Variants in NECAB2 observed in about 807,000 individuals in gnomAD.
NECAB2 encodes N-terminal EF-hand calcium-binding protein 2.
Under a neutral mutation model 51.9 loss-of-function variants are expected in NECAB2, and 68 were observed. The observed-to-expected ratio is 1.31, with a 90% confidence interval of 1.08 to 1.60. The LOEUF is 1.60. NECAB2 is among the 40% of genes most tolerant of loss of function. NECAB2 has a pLI of 0.00. For missense variants in NECAB2, 854 were observed against 490.3 expected, an observed-to-expected ratio of 1.74 and a Z score of -7.00; for synonymous variants, 329 against 203.5, an observed-to-expected ratio of 1.62 and a Z score of -5.25.
chr16:83,972,064 G>A (rs1249156898), intron 1 of NECAB2, 87 bp from the exon 2 acceptor site: 30 of 1,569,260 alleles, frequency 1.9e-5, no homozygotes, highest in Non-Finnish European at 2.4e-5. Flanking sequence ...CCTGGGAGAA[G>A]AGAAGGATCC....
At chr16:83,976,839 C>A (rs898281216) in intron 2 of NECAB2, among the ~76,000 whole-genome samples, 1 of 152,160 alleles carries the variant, frequency 6.6e-6, no homozygotes, top group Non-Finnish European at 1.5e-5. Context: ...GAGGACCCCC[C>A]CTCTCCTGAG....
chr16:83,968,137 A>G (rs1464833014), upstream of NECAB2, among the ~76,000 whole-genome samples: 2 of 151,218 alleles, frequency 1.3e-5, no homozygotes, highest in Non-Finnish European at 3.0e-5. Context: ...GCGGGAGTTA[A>G]GGATGGGCGC....
upstream of NECAB2, among the ~76,000 whole-genome samples, chr16:83,968,023 T>C (rs1212538426): frequency 1.1e-4 from 17 of 151,418 alleles, no homozygotes; most frequent in Admixed American, 1.1e-3. Flanking sequence ...GGTGGGTGGA[T>C]AGATGGATGG....
rs371262971 is a variant in NECAB2 at position 83,997,180 on chromosome 16, C to T, written c.796-36C>T. 3.7e-6 allele frequency: 6 copies of T among 1,613,880 alleles called. No homozygotes were observed. In the South Asian group the frequency reaches 4.4e-5, roughly 12 times the overall value. Reference sequence around the variant, plus strand: ...TGGCTCCCCGGGGCGGAGTGGGGCTCTGGGTCTAGCATCACTGTGTGCTGG... The same window carrying T: ...TGGCTCCCCGGGGCGGAGTGGGGCTTTGGGTCTAGCATCACTGTGTGCTGG... On this transcript the variant is annotated intron_variant, in intron 8 of 12. Coordinates refer to ENST00000305202, the MANE Select transcript of NECAB2 (RefSeq NM_019065.3).
intron 8 of NECAB2, 101 bp from the exon 9 acceptor site, chr16:83,997,115 C>A (rs34965558): frequency 7.0e-7 from 1 of 1,428,618 alleles, no homozygotes; most frequent in South Asian, 1.2e-5. Context: ...AGGGCCGGGT[C>A]CTTGGGAGCT....
Position 84,002,694 on chromosome 16 carries a change from T to C in NECAB2, c.*348T>C. On this transcript the variant is annotated 3_prime_UTR_variant, in exon 13 of 13. Transcript: ENST00000305202. Reference sequence around the variant, plus strand: ...TCTTCGGTGACATTCTTCTACCTAGTAGGAGTCATGCCCCTGTAGTGCCCA... The same window carrying C: ...TCTTCGGTGACATTCTTCTACCTAGCAGGAGTCATGCCCCTGTAGTGCCCA... 1 of 353,144 alleles carries C rather than the reference T, an allele frequency of 2.8e-6. No homozygotes were observed. The highest frequency in any genetic ancestry group is 3.4e-5 in the South Asian group (1 of 28,988). 21.9% of individuals were successfully genotyped at this position (353,144 alleles called of 1,614,324 possible). A position where few individuals can be genotyped will look rare whatever the true frequency, so the allele number is the denominator to read the frequency against.
chr16:83,994,743 G>C, intron 8 of NECAB2, 55 bp downstream of exon 8: 2 of 1,587,636 alleles, frequency 1.3e-6, no homozygotes, highest in South Asian at 1.1e-5. Context: ...AGGGAGTGCA[G>C]AGTTAAGCCT....
Position 84,002,288 on chromosome 16 carries a change from C to G in NECAB2, c.1133-30C>G, listed in dbSNP as rs745963868. ...TACGAGGCTGCCCACATTCGCACTC[C>G]TTCCCTCTAACGTGTCTCTCTCCTT... On this transcript the variant is annotated intron_variant, in intron 12 of 12. Transcript: ENST00000305202. The G allele has an allele frequency of 3.1e-6, 5 of 1,613,316 alleles. No individual in the cohort carries two copies. The Admixed American group carries it at 6.7e-5, about 22-fold the overall frequency.
intron 5 of NECAB2, 66 bp from the exon 6 acceptor site, chr16:83,990,428 C>T: frequency 6.3e-7 from 1 of 1,587,076 alleles, no homozygotes; most frequent in African/African-American, 1.3e-5. Context: ...AACTCCTGTG[C>T]TAGACCCCAC....
At chr16:84,001,766 A>C in intron 11 of NECAB2, 59 bp from the exon 12 acceptor site, 1 of 1,569,396 alleles carries the variant, frequency 6.4e-7, no homozygotes, top group Non-Finnish European at 8.8e-7. Context: ...TTAACAGGGG[A>C]GCCACACGCG....
intron 8 of NECAB2, 100 bp downstream of exon 8, chr16:83,994,788 C>T (rs895928541): frequency 5.1e-5 from 68 of 1,329,192 alleles, no homozygotes; most frequent in Non-Finnish European, 6.3e-5. Flanking sequence ...TGCAGAGGGG[C>T]CAGGGAACCA....
chr16:83,968,310 G>T lies in NECAB2; in HGVS notation c.-339G>T, dbSNP rs75384796. ...GGGGAGAGCAGGAGACTTTTGGGGAGCAGGCCCCAGGGGCGCCGCCCCGCC... is the reference window on the plus strand; with the variant it reads ...GGGGAGAGCAGGAGACTTTTGGGGATCAGGCCCCAGGGGCGCCGCCCCGCC... On this transcript the variant is annotated 5_prime_UTR_variant, in exon 1 of 13. Transcript: ENST00000305202. 6.6e-6 allele frequency among the ~76,000 whole-genome samples: 1 copy of T among 151,272 alleles called. No individual in the cohort carries two copies. Among genetic ancestry groups the T allele is most frequent in the East Asian group, 2.0e-4 (1 of 5,102 alleles).
intron 3 of NECAB2, among the ~76,000 whole-genome samples, chr16:83,979,275 C>T (rs572414535): frequency 1.1e-4 from 16 of 152,230 alleles, no homozygotes; most frequent in South Asian, 2.1e-4. Context: ...GGCCTACTCG[C>T]GTGATGAGGA....
At chr16:83,989,870 C>T (rs1487780297) in intron 5 of NECAB2, among the ~76,000 whole-genome samples, 1 of 152,128 alleles carries the variant, frequency 6.6e-6, no homozygotes, top group Non-Finnish European at 1.5e-5. Context: ...TCTCTGATTT[C>T]CCCCCAGGCT....
chr16:83,973,165 G>A (rs1358615549), intron 2 of NECAB2, among the ~76,000 whole-genome samples: 2 of 152,210 alleles, frequency 1.3e-5, no homozygotes, highest in African/African-American at 2.4e-5. Flanking sequence ...GGAAGAGCAC[G>A]CAACAGAGAC....
At chr16:84,001,076 C>T (rs939729482) in intron 11 of NECAB2, among the ~76,000 whole-genome samples, 1 of 152,108 alleles carries the variant, frequency 6.6e-6, no homozygotes, top group Non-Finnish European at 1.5e-5. Flanking sequence ...CCTGGAACAG[C>T]CCTGGGGGCC....
At chr16:83,973,053 AG>A (rs1361773261) in intron 2 of NECAB2, among the ~76,000 whole-genome samples, 1 of 152,228 alleles carries the variant, frequency 6.6e-6, no homozygotes, top group African/African-American at 2.4e-5. Flanking sequence ...GGGAAAAGCC[AG>A]AGAGGCGGTG....
upstream of NECAB2, chr16:83,965,607 G>C: frequency 6.2e-7 from 1 of 1,613,096 alleles, no homozygotes; most frequent in Non-Finnish European, 8.5e-7. Flanking sequence ...CAGATGATGC[G>C]GGAGCAGTCC....
At chr16:84,002,081 A>C (rs578018604) in intron 12 of NECAB2, among the ~76,000 whole-genome samples, 165 bp downstream of exon 12, 1 of 152,104 alleles carries the variant, frequency 6.6e-6, no homozygotes, top group African/African-American at 2.4e-5. Flanking sequence ...GTGGCCCCAC[A>C]TACAGGTATG....
Sources: gnomAD v4.1 joint callset for allele counts (sites outside exome capture counted in the v4.1 genomes callset) on GRCh38, gnomAD v4.1.1 for gene constraint, MANE v1.5 for transcripts, NCBI Gene and HGNC (gene_info 2026-07-23, HGNC 2026-07-21) for gene names.